ARHGAP6: variants seen among roughly 807,000 people sequenced by gnomAD.
ARHGAP6 encodes Rho GTPase activating protein 6, also known as rho GTPase-activating protein 6.
A neutral mutation model predicts 55.7 loss-of-function variants in ARHGAP6; 16 were observed. The observed-to-expected ratio is 0.29, with a 90% CI of 0.19 to 0.44. The LOEUF (loss-of-function observed/expected upper bound fraction) is 0.44. Ranked by LOEUF, ARHGAP6 falls within the 20% of genes least tolerant of loss-of-function variation. The probability of loss-of-function intolerance (pLI) is 1.00; values close to 1 mark genes in which losing one functional copy is unlikely to be tolerated. For missense variants in ARHGAP6, 698 were observed against 808.9 expected (o/e 0.86, Z 1.66); for synonymous variants, 382 against 360.9 (o/e 1.06, Z -0.66).
chrX:11,452,976 G>A (rs754934500), intron 1 of ARHGAP6, among the ~76,000 whole-genome samples: 2 of 110,255 alleles, frequency 1.8e-5, no homozygotes, highest in South Asian at 7.6e-4. Context: ...CTGACTTAGA[G>A]GCATCCTTAC....
At chrX:11,585,133 A>G (rs751077070) in intron 1 of ARHGAP6, among the ~76,000 whole-genome samples, 1 of 112,638 alleles carries the variant, frequency 8.9e-6, no homozygotes, top group South Asian at 3.7e-4. Context: ...ATGGCCACAT[A>G]GTATTCCATA....
chrX:11,562,639 C>T (rs1317199835), intron 1 of ARHGAP6, among the ~76,000 whole-genome samples: 1 of 108,986 alleles, frequency 9.2e-6, no homozygotes, highest in Admixed American at 9.8e-5. Context: ...TTCTGATTCC[C>T]ATCAAAAAAA....
chrX:11,647,632 T>C (rs1296054018), intron 1 of ARHGAP6, among the ~76,000 whole-genome samples: 1 of 112,190 alleles, frequency 8.9e-6, no homozygotes, highest in Non-Finnish European at 1.9e-5. Flanking sequence ...GCCTTCAGTA[T>C]TGCATCTTAT....
intron 1 of ARHGAP6, among the ~76,000 whole-genome samples, chrX:11,280,717 G>A (rs1421301360): frequency 1.0e-5 from 1 of 99,328 alleles, no homozygotes; most frequent in African/African-American, 3.8e-5. Flanking sequence ...CTGCACTCCA[G>A]CCTGGGCGAC....
chrX:11,569,485 C>A (rs1417650539), intron 1 of ARHGAP6, among the ~76,000 whole-genome samples: 1 of 111,530 alleles, frequency 9.0e-6, no homozygotes, highest in Non-Finnish European at 1.9e-5. Flanking sequence ...TAAGAAATTT[C>A]TCTCCTCTAG....
chrX:11,527,915 T>C (rs778270076), intron 1 of ARHGAP6, among the ~76,000 whole-genome samples: 1 of 112,496 alleles, frequency 8.9e-6, no homozygotes, highest in Non-Finnish European at 1.9e-5. Flanking sequence ...AAATACCACA[T>C]GGAATATACT....
intron 1 of ARHGAP6, among the ~76,000 whole-genome samples, chrX:11,534,489 C>T (rs2051083100): frequency 9.1e-6 from 1 of 110,387 alleles, no homozygotes. Context: ...CATCCCTGGC[C>T]TCTACCCACT....
chrX:11,389,401 AG>A (rs1490429945), intron 1 of ARHGAP6, among the ~76,000 whole-genome samples: 1 of 112,685 alleles, frequency 8.9e-6, no homozygotes, highest in African/African-American at 3.2e-5. Flanking sequence ...AGAAAATCAA[AG>A]CACTAATAAA....
chrX:11,241,532 G>A (rs1458026488), intron 2 of ARHGAP6, among the ~76,000 whole-genome samples: 12 of 33,044 alleles, frequency 3.6e-4, no homozygotes, highest in African/African-American at 3.0e-3. Flanking sequence ...TGCTGGATAC[G>A]TGTGTGTGTG....
intron 1 of ARHGAP6, among the ~76,000 whole-genome samples, chrX:11,371,674 T>C (rs1209455294): frequency 8.9e-6 from 1 of 112,523 alleles, no homozygotes; most frequent in Non-Finnish European, 1.9e-5. Context: ...AAATATTATT[T>C]ATGAGAAAGA....
chrX:11,176,949 G>C (rs984430973), intron 8 of ARHGAP6, among the ~76,000 whole-genome samples: 3 of 112,096 alleles, frequency 2.7e-5, no homozygotes, highest in Non-Finnish European at 5.6e-5. Context: ...TGCCTTTCTG[G>C]ATTAGAGTGA....
chrX:11,306,223 C>A (rs2048236798), intron 1 of ARHGAP6, among the ~76,000 whole-genome samples: 1 of 112,446 alleles, frequency 8.9e-6, no homozygotes, highest in Non-Finnish European at 1.9e-5. Flanking sequence ...CTTCTAGAAA[C>A]CTCTCTCGCT....
chrX:11,195,294 G>C (rs1275389580), intron 3 of ARHGAP6, among the ~76,000 whole-genome samples: 1 of 109,262 alleles, frequency 9.2e-6, no homozygotes. Flanking sequence ...AGAGGTTGCA[G>C]TGAGCCGAGA....
chrX:11,493,176 T>C (rs1362052051), intron 1 of ARHGAP6, among the ~76,000 whole-genome samples: 2 of 112,552 alleles, frequency 1.8e-5, no homozygotes, highest in African/African-American at 6.5e-5. Context: ...CACATTATAA[T>C]ATAAAAAGTA....
At chrX:11,481,363 T>A (rs1312328887) in intron 1 of ARHGAP6, among the ~76,000 whole-genome samples, 4 of 112,254 alleles carry the variant, frequency 3.6e-5, no homozygotes, top group Non-Finnish European at 7.5e-5. Context: ...CTCCATATAA[T>A]CAATTTGCAG....
chrX:11,342,357 T>G (rs1010915870), intron 1 of ARHGAP6, among the ~76,000 whole-genome samples: 2 of 112,280 alleles, frequency 1.8e-5, no homozygotes, highest in African/African-American at 6.5e-5. Context: ...CCAATAACTT[T>G]CCTTTATTCT....
chrX:11,637,097 T>G (rs1393305567), intron 1 of ARHGAP6, among the ~76,000 whole-genome samples: 2 of 111,761 alleles, frequency 1.8e-5, no homozygotes, highest in Non-Finnish European at 3.8e-5. Context: ...TATAAACTTA[T>G]AGGCTGTAAA....
chrX:11,143,678 C>A, intron 11 of ARHGAP6: 1 of 1,035,829 alleles, frequency 9.7e-7, no homozygotes, highest in Non-Finnish European at 1.2e-6. Flanking sequence ...TCCTAGGATG[C>A]TGGAGGGAAA....
chrX:11,353,549 AGT>A (rs200177159), intron 1 of ARHGAP6, among the ~76,000 whole-genome samples: 6,070 of 82,251 alleles, frequency 0.074, 286 homozygotes, highest in African/African-American at 0.16. Context: ...TATTGCTTAT[AGT>A]GTGTGTGTGT....
Sources: gnomAD v4.1 joint callset for allele counts (sites outside exome capture counted in the v4.1 genomes callset) on GRCh38, gnomAD v4.1.1 for gene constraint, MANE v1.5 for transcripts, NCBI Gene and HGNC (gene_info 2026-07-23, HGNC 2026-07-21) for gene names.